The following RCOR1 variants were observed in gnomAD, a reference collection of about 807,000 sequenced individuals.
RCOR1 encodes REST corepressor 1.
RCOR1 carries 12 observed loss-of-function variants against 64.0 expected under a neutral mutation model. That is an observed-to-expected ratio of 0.19 (90% confidence interval 0.12 to 0.30). RCOR1 has a LOEUF of 0.30. Among genes scored for constraint, RCOR1 ranks in the 10% least tolerant of loss-of-function variants. RCOR1 has a pLI of 1.00. For synonymous variants in RCOR1, 279 were observed against 227.2 expected (o/e 1.23, Z -2.05); for missense variants, 502 against 621.2 (o/e 0.81, Z 2.04).
intron 5 of RCOR1, 31 bp downstream of exon 5, chr14:102,707,543 T>G (rs1895879912): frequency 6.5e-7 from 1 of 1,545,046 alleles, no homozygotes; most frequent in South Asian, 1.2e-5. Context: ...AGTTCTATTT[T>G]TTTTCTCCTA....
chr14:102,640,098 G>A (rs561918274), intron 2 of RCOR1, among the ~76,000 whole-genome samples: 1 of 152,296 alleles, frequency 6.6e-6, no homozygotes, highest in African/African-American at 2.4e-5. Context: ...GCCTGCCTCA[G>A]CTTCCCAGAG....
intron 2 of RCOR1, chr14:102,658,704 C>A: frequency 2.4e-6 from 2 of 843,636 alleles, no homozygotes; most frequent in Non-Finnish European, 2.9e-6. Context: ...CTAAGTTCCA[C>A]ATTTTATTTA....
chr14:102,614,531 C>G (rs1419513730), intron 2 of RCOR1, among the ~76,000 whole-genome samples: 1 of 152,152 alleles, frequency 6.6e-6, no homozygotes, highest in African/African-American at 2.4e-5. Flanking sequence ...GCCCTTCTGG[C>G]TCTTTTTAAA....
chr14:102,597,329 C>G (rs1893276163), intron 2 of RCOR1, among the ~76,000 whole-genome samples: 1 of 151,460 alleles, frequency 6.6e-6, no homozygotes, highest in Admixed American at 6.6e-5. Context: ...AGGAATTTGA[C>G]TTTGATTTTT....
intron 3 of RCOR1, 48 bp downstream of exon 3, chr14:102,682,026 G>A (rs1428029466): frequency 2.3e-6 from 3 of 1,289,164 alleles, no homozygotes; most frequent in East Asian, 2.3e-5. Context: ...TTAATGTAAG[G>A]TTTTAAAGGT....
chr14:102,715,097 C>T (rs1030865723), intron 8 of RCOR1, among the ~76,000 whole-genome samples: 1 of 150,002 alleles, frequency 6.7e-6, no homozygotes, highest in African/African-American at 2.5e-5. Context: ...GAGACGGTGT[C>T]TCGCTCTGTC....
At chr14:102,600,594 G>A (rs1273464074) in intron 2 of RCOR1, among the ~76,000 whole-genome samples, 1 of 144,246 alleles carries the variant, frequency 6.9e-6, no homozygotes. Flanking sequence ...TTTTGAAGAC[G>A]GAGTCTCACT....
intron 2 of RCOR1, among the ~76,000 whole-genome samples, chr14:102,642,533 C>T (rs1894390341): frequency 6.6e-6 from 1 of 152,122 alleles, no homozygotes; most frequent in African/African-American, 2.4e-5. Flanking sequence ...AATAGTTAAA[C>T]TTGTTCAGAA....
chr14:102,639,496 T>TA (rs1491102685), intron 2 of RCOR1, among the ~76,000 whole-genome samples: 11 of 136,498 alleles, frequency 8.1e-5, no homozygotes, highest in Non-Finnish European at 1.4e-4. Context: ...TATTTTTTAA[T>TA]TTTTATTTAT....
At chr14:102,595,768 A>G (rs1347381385) in intron 2 of RCOR1, among the ~76,000 whole-genome samples, 1 of 151,636 alleles carries the variant, frequency 6.6e-6, no homozygotes, top group Non-Finnish European at 1.5e-5. Context: ...TTTAGTGGAG[A>G]CGGGGTTTCA....
chr14:102,649,279 C>A (rs1894537488), intron 2 of RCOR1, among the ~76,000 whole-genome samples: 1 of 152,036 alleles, frequency 6.6e-6, no homozygotes, highest in South Asian at 2.1e-4. Context: ...TACGAGAGTG[C>A]CATAACACTG....
chr14:102,642,235 A>T (rs1043823216), intron 2 of RCOR1, among the ~76,000 whole-genome samples: 1 of 59,344 alleles, frequency 1.7e-5, no homozygotes, highest in African/African-American at 5.7e-5. Context: ...GATAGAAGGA[A>T]TAAACTTCTT....
intron 3 of RCOR1, 148 bp from the exon 4 acceptor site, chr14:102,701,130 G>A: frequency 1.4e-6 from 1 of 693,860 alleles, no homozygotes; most frequent in Non-Finnish European, 2.6e-6. Flanking sequence ...TGGGAATTGT[G>A]GGAGATACAA....
At chr14:102,723,355 G>A (rs1010513505) in intron 11 of RCOR1, among the ~76,000 whole-genome samples, 1 of 152,200 alleles carries the variant, frequency 6.6e-6, no homozygotes, top group African/African-American at 2.4e-5. Flanking sequence ...ACCTCGTGAG[G>A]TATTGGCATC....
chr14:102,637,283 T>C (rs113126788), intron 2 of RCOR1, among the ~76,000 whole-genome samples: 17 of 151,732 alleles, frequency 1.1e-4, no homozygotes, highest in Non-Finnish European at 2.4e-4. Flanking sequence ...CCCGCCACCA[T>C]GCCCAGCTAA....
chr14:102,615,512 G>A (rs1443825538), intron 2 of RCOR1, among the ~76,000 whole-genome samples: 1 of 148,406 alleles, frequency 6.7e-6, no homozygotes, highest in Admixed American at 6.8e-5. Context: ...GCAATGGTGC[G>A]ATCTCGGCTC....
At chr14:102,676,345 C>T (rs1895153432) in intron 2 of RCOR1, among the ~76,000 whole-genome samples, 1 of 142,680 alleles carries the variant, frequency 7.0e-6, no homozygotes, top group Non-Finnish European at 1.5e-5. Flanking sequence ...GGGGGCTGAC[C>T]CCCCCACCAC....
intron 5 of RCOR1, among the ~76,000 whole-genome samples, chr14:102,708,253 C>A (rs767368411): frequency 6.6e-6 from 1 of 152,140 alleles, no homozygotes; most frequent in Non-Finnish European, 1.5e-5. Flanking sequence ...GCGTGAGTCA[C>A]CACATCCGGC....
chr14:102,656,426 C>T (rs1403060437), intron 2 of RCOR1, among the ~76,000 whole-genome samples: 3 of 151,546 alleles, frequency 2.0e-5, no homozygotes, highest in Non-Finnish European at 4.4e-5. Context: ...GTGTGAGCCA[C>T]GGTGTCCCGC....
Sources: allele counts gnomAD v4.1 joint callset (sites outside exome capture counted in the v4.1 genomes callset), GRCh38; gene constraint gnomAD v4.1.1; transcripts MANE v1.5; gene names NCBI Gene and HGNC (gene_info 2026-07-23, HGNC 2026-07-21).